The following TSPAN11 variants were observed in gnomAD, a reference collection of about 807,000 sequenced individuals.
TSPAN11 encodes tetraspanin 11.
In TSPAN11, 29 loss-of-function variants were observed where a neutral mutation model predicts 32.9. The observed-to-expected ratio is 0.88, with a 90% CI of 0.66 to 1.20. TSPAN11 has a LOEUF of 1.20. TSPAN11 is among the 50% of genes most tolerant of loss of function. The probability of loss-of-function intolerance (pLI) is 0.00; values close to 1 mark genes in which losing one functional copy is unlikely to be tolerated. For missense variants in TSPAN11, 283 were observed against 329.1 expected (o/e 0.86, Z 1.08); for synonymous variants, 140 against 141.3 (o/e 0.99, Z 0.07).
chr12:30,958,804 C>T (rs974722764), intron 2 of TSPAN11, among the ~76,000 whole-genome samples: 1 of 152,130 alleles, frequency 6.6e-6, no homozygotes, highest in Admixed American at 6.5e-5. Flanking sequence ...CAGTGTCAGG[C>T]ATGGGTCCCT....
At chr12:30,977,613 C>T (rs1415279919) in intron 3 of TSPAN11, among the ~76,000 whole-genome samples, 1 of 152,164 alleles carries the variant, frequency 6.6e-6, no homozygotes, top group Admixed American at 6.5e-5. Flanking sequence ...CCAGCTTCAT[C>T]CCCCTCTCCG....
intron 1 of TSPAN11, among the ~76,000 whole-genome samples, chr12:30,949,788 C>A (rs1161165791): frequency 2.0e-5 from 3 of 152,286 alleles, no homozygotes; most frequent in Admixed American, 6.5e-5. Flanking sequence ...CCCTAACCCT[C>A]CACCTGTCCT....
intron 3 of TSPAN11, among the ~76,000 whole-genome samples, chr12:30,977,054 T>C (rs1299559241): frequency 6.6e-6 from 1 of 152,210 alleles, no homozygotes; most frequent in Non-Finnish European, 1.5e-5. Flanking sequence ...TGGGAGCCTA[T>C]AGGACACAGT....
At chr12:30,945,197 C>T (rs1231214620) in intron 1 of TSPAN11, among the ~76,000 whole-genome samples, 1 of 152,304 alleles carries the variant, frequency 6.6e-6, no homozygotes, top group South Asian at 2.1e-4. Flanking sequence ...CCCCACCACC[C>T]CTGTCTGGCA....
intron 1 of TSPAN11, among the ~76,000 whole-genome samples, chr12:30,935,779 C>T (rs945423309): frequency 8.5e-5 from 13 of 152,178 alleles, no homozygotes; most frequent in African/African-American, 2.7e-4. Context: ...GCAGCCTCCT[C>T]CGCTCCCCTA....
At chr12:30,969,409 G>C (rs1381320371) in intron 3 of TSPAN11, among the ~76,000 whole-genome samples, 4 of 152,198 alleles carry the variant, frequency 2.6e-5, no homozygotes, top group Non-Finnish European at 5.9e-5. Flanking sequence ...GCCAGGACTT[G>C]GGGAACCCCG....
In TSPAN11 at chr12:30,993,566, G is replaced by GC. The variant is rs1372585410; in HGVS notation, c.*1654dup. The GC allele has an allele frequency of 6.6e-6, 1 of 152,234 alleles. No homozygotes were observed. The highest frequency in any genetic ancestry group is 2.4e-5 in the African/African-American group (1 of 41,440). 9.4% of individuals were successfully genotyped at this position (152,234 alleles called of 1,614,324 possible). A position where few individuals can be genotyped will look rare whatever the true frequency, so the allele number is the denominator to read the frequency against. On this transcript the variant is annotated 3_prime_UTR_variant, in exon 8 of 8. Coordinates refer to ENST00000546076, the MANE Select transcript of TSPAN11 (RefSeq NM_001370302.1). Reference sequence around the variant, plus strand: ...CTGGTTTATCTCCCCTGCCTAAAAGGCCCTGGGGTTGCCAATGCAAATTCA... The same window carrying GC: ...CTGGTTTATCTCCCCTGCCTAAAAGGCCCCTGGGGTTGCCAATGCAAATTCA...
intron 1 of TSPAN11, among the ~76,000 whole-genome samples, chr12:30,929,138 A>G (rs1857590261): frequency 6.6e-6 from 1 of 152,216 alleles, no homozygotes; most frequent in African/African-American, 2.4e-5. Flanking sequence ...GTCAGCTTTC[A>G]GATAGGATCT....
chr12:30,970,059 G>T (rs759843214), intron 3 of TSPAN11, among the ~76,000 whole-genome samples: 1 of 152,136 alleles, frequency 6.6e-6, no homozygotes, highest in Non-Finnish European at 1.5e-5. Flanking sequence ...CCTTGCACAG[G>T]TGCCTTCAGG....
chr12:30,946,550 A>G (rs974349152), intron 1 of TSPAN11, among the ~76,000 whole-genome samples: 2 of 152,202 alleles, frequency 1.3e-5, no homozygotes, highest in Admixed American at 6.5e-5. Context: ...TCAGCCTGCT[A>G]AGTAAATATG....
At chr12:30,946,093 A>G (rs1938261586) in intron 1 of TSPAN11, among the ~76,000 whole-genome samples, 1 of 152,184 alleles carries the variant, frequency 6.6e-6, no homozygotes, top group Non-Finnish European at 1.5e-5. Flanking sequence ...GAACTTTCAG[A>G]ACTGAAAGGG....
chr12:30,966,148 C>G (rs926109167), intron 3 of TSPAN11, among the ~76,000 whole-genome samples: 1 of 151,920 alleles, frequency 6.6e-6, no homozygotes, highest in Non-Finnish European at 1.5e-5. Context: ...GGGGGTCACA[C>G]GGGCGGAGAG....
the TSPAN11 span, among the ~76,000 whole-genome samples, chr12:31,015,276 CCT>C: frequency 7.9e-5 from 12 of 152,298 alleles, no homozygotes; most frequent in South Asian, 8.3e-4. This position sits in a 1 kb window ranked among gnomAD's most constrained non-coding sequence, Gnocchi z 4.9. Flanking sequence ...ACACCGTACC[CCT>C]GTCTCATAAG....
the TSPAN11 span, among the ~76,000 whole-genome samples, chr12:31,005,334 C>T: frequency 0.062 from 9,383 of 152,218 alleles, 394 homozygotes; most frequent in East Asian, 0.13. Flanking sequence ...GCAGGCAGAC[C>T]CCACCCTGCC....
chr12:30,957,749 C>CTCCTTCCT (rs1442428213), intron 2 of TSPAN11, among the ~76,000 whole-genome samples: 1 of 39,702 alleles, frequency 2.5e-5, no homozygotes, highest in African/African-American at 2.1e-4. Flanking sequence ...CCCTCCCTCC[C>CTCCTTCCT]TCCTTCCTTC....
downstream of TSPAN11, among the ~76,000 whole-genome samples, chr12:31,000,115 G>C (rs1293568295): frequency 2.0e-5 from 3 of 152,228 alleles, no homozygotes; most frequent in Non-Finnish European, 4.4e-5. Context: ...ATTGATGAAT[G>C]CTTTAAGAAG....
intron 1 of TSPAN11, among the ~76,000 whole-genome samples, chr12:30,927,313 G>T (rs1272581690): frequency 6.6e-6 from 1 of 152,246 alleles, no homozygotes; most frequent in Admixed American, 6.5e-5. Context: ...ACATGGCTGT[G>T]TAGGCCCTGT....
intron 1 of TSPAN11, among the ~76,000 whole-genome samples, chr12:30,938,987 C>T (rs1938101185): frequency 6.6e-6 from 1 of 152,060 alleles, no homozygotes; most frequent in South Asian, 2.1e-4. Flanking sequence ...AATCCCAGCA[C>T]TTTGGGAGGC....
At chr12:30,957,625 A>G (rs1042752320) in intron 2 of TSPAN11, among the ~76,000 whole-genome samples, 1 of 151,048 alleles carries the variant, frequency 6.6e-6, no homozygotes, top group Admixed American at 6.6e-5. Flanking sequence ...GTTGAAATCA[A>G]TCAATCCCTC....
Sources: allele counts gnomAD v4.1 joint callset (sites outside exome capture counted in the v4.1 genomes callset), GRCh38; gene constraint gnomAD v4.1.1; non-coding constraint Gnocchi (gnomAD v3.1); transcripts MANE v1.5; gene names NCBI Gene and HGNC (gene_info 2026-07-23, HGNC 2026-07-21).